Variants in RYR3 observed in about 807,000 individuals in gnomAD.
The protein encoded by RYR3 is brain ryanodine receptor-calcium release channel.
A neutral mutation model predicts 584.3 loss-of-function variants in RYR3; 207 were observed. That is an observed-to-expected ratio of 0.35 (90% CI 0.32 to 0.40). RYR3 has a LOEUF of 0.40. Ranked by LOEUF, RYR3 falls within the 10% of genes least tolerant of loss-of-function variation. RYR3 has a pLI of 1.00. For missense variants in RYR3, 5,616 were observed against 6,089.2 expected, an observed-to-expected ratio of 0.92 and a Z score of 2.59; for synonymous variants, 2,416 against 2,248.5, an observed-to-expected ratio of 1.07 and a Z score of -2.11.
rs1371754235 is a variant in RYR3, at chr15:33,621,777, C to G, written c.2358-2030C>G. On this transcript the variant is annotated intron_variant, in intron 19 of 103. Transcript: ENST00000634891. ...TTGGGAAGGAAAAAAACCTTAGCAC[C>G]TCTTTACTTAAAGAGGCTTTATTTT... 4.6e-5 allele frequency among the ~76,000 whole-genome samples: 7 copies of G among 152,182 alleles called. No homozygotes were observed. In the South Asian group the frequency reaches 6.2e-4, roughly 14 times the overall value.
Position 33,581,373 on chromosome 15 carries a change from C to T in RYR3, c.1438-135C>T, listed in dbSNP as rs1486139484. On this transcript the variant is annotated intron_variant, in intron 13 of 103. Transcript: ENST00000634891. ...TAGGAGGGAAAAAAAACAAACCCAA[C>T]TGGCACCATGAAGGTCTATTTGCAT... The T allele has an allele frequency of 9.3e-6, 8 of 863,370 alleles. No homozygotes were observed. The East Asian group carries it at 2.0e-4, about 21-fold the overall frequency. 53.5% of individuals were successfully genotyped at this position (863,370 alleles called of 1,614,324 possible). A position where few individuals can be genotyped will look rare whatever the true frequency, so the allele number is the denominator to read the frequency against.
chr15:33,662,237 C>T lies in RYR3; in HGVS notation c.4707C>T (p.Cys1569=), dbSNP rs372058994. ...YHTLRLYSAV[C]ALGNSRVAYA... Reference sequence around the variant, plus strand: ...CGCTGAGGCTCTACAGCGCGGTGTGCGCCCTGGGAAACAGCCGCGTGGCCT... The same window carrying T: ...CGCTGAGGCTCTACAGCGCGGTGTGTGCCCTGGGAAACAGCCGCGTGGCCT... Residue 1569 remains cysteine (C), a synonymous_variant, in exon 35 of 104, where the codon TGC becomes TGT. Transcript: ENST00000634891. 1.6e-5 allele frequency: 25 copies of T among 1,607,998 alleles called. No individual in the cohort carries two copies. The highest frequency in any genetic ancestry group is 2.2e-5 in the East Asian group (1 of 44,626).
intron 55 of RYR3, among the ~76,000 whole-genome samples, chr15:33,749,778 T>C (rs142174516): frequency 6.6e-6 from 1 of 152,222 alleles, no homozygotes; most frequent in African/African-American, 2.4e-5. Context: ...GAGTTAGAAA[T>C]TGTTTTCTAT....
rs151086234 is a variant in RYR3 at position 33,517,097 on chromosome 15, C to T, written c.279+13359C>T. The stretch of plus-strand genomic sequence containing the variant: ...GCAACCTCTACTTCTCGGGATCAAG[C>T]GATTCTCCTGCCTCAGCCTCCCAAC... On this transcript the variant is annotated intron_variant, in intron 3 of 103. Transcript: ENST00000634891. Among the ~76,000 whole-genome samples, 507 of 152,100 alleles carry T rather than the reference C, an allele frequency of 3.3e-3. 1 individual carries two copies. The highest frequency in any genetic ancestry group is 0.012 in the African/African-American group (483 of 41,494).
At position 33,562,963 on chromosome 15, in the gene RYR3, A is replaced by C; in HGVS notation, c.1099A>C (p.Lys367Gln). Residue 367 changes from lysine (K) to glutamine (Q), a missense_variant, in exon 11 of 104, where the codon AAA (lysine) becomes CAA (glutamine). Physicochemically the swap from Lys to Gln is moderately conservative, Grantham distance 53 (BLOSUM62 1). Coordinates refer to ENST00000634891, the MANE Select transcript of RYR3 (RefSeq NM_001036.6). Reference sequence around the variant, plus strand: ...AGCCAGTGGTCTGTGGGTGACCTACAAAGCACAAGACGCCAAAACTTCCCG... The same window carrying C: ...AGCCAGTGGTCTGTGGGTGACCTACCAAGCACAAGACGCCAAAACTTCCCG... The part of the protein sequence containing the change: ...HIASGLWVTY[K>Q]AQDAKTSRLG... 6.2e-7 allele frequency: 1 copy of C among 1,613,336 alleles called. No individual in the cohort carries two copies. Among genetic ancestry groups the C allele is most frequent in the East Asian group, 2.2e-5 (1 of 44,858 alleles).
chr15:33,618,257 C>G (rs1272892233), intron 19 of RYR3, among the ~76,000 whole-genome samples: 1 of 152,134 alleles, frequency 6.6e-6, no homozygotes. Flanking sequence ...TCTTATGTAA[C>G]TCTTTTGCCA....
chr15:33,860,703 C>G lies in RYR3; in HGVS notation c.14364+44C>G, dbSNP rs545747188. On this transcript the variant is annotated intron_variant, in intron 101 of 103. Transcript: ENST00000634891. ...CTAATCCCAGCTCTATTTTAATATC[C>G]CCAGAAGCAAATAGATTTTTTAAAC... The G allele has an allele frequency of 3.5e-4, 465 of 1,338,638 alleles. 1 individual carries two copies. In the Middle Eastern group the frequency reaches 4.0e-3, roughly 12 times the overall value. The allele number at this position is 1,338,638 out of a possible 1,614,324, so 82.9% of individuals were successfully genotyped here. A position where few individuals can be genotyped will look rare whatever the true frequency, so the allele number is the denominator to read the frequency against.
intron 1 of RYR3, among the ~76,000 whole-genome samples, chr15:33,334,834 A>C (rs1289630354): frequency 6.6e-6 from 1 of 151,180 alleles, no homozygotes; most frequent in African/African-American, 2.4e-5. Context: ...ATTGACAAGA[A>C]AAAAAAAAAA....
chr15:33,453,247 AT>A (rs112525149), intron 1 of RYR3, among the ~76,000 whole-genome samples: 3,032 of 152,314 alleles, frequency 0.02, 49 homozygotes, highest in African/African-American at 0.049. Context: ...TAGAAAAAAA[AT>A]AAACCTTAAT....
In RYR3 at chr15:33,640,266, C is replaced by G. The variant is rs940404617; in HGVS notation, c.3556+3716C>G. ...CCTGTCATTCTCTCTCCAGATGGGT[C>G]TTGTGTTTCAGAAAGCGGCTGTGGC... On this transcript the variant is annotated intron_variant, in intron 27 of 103. Transcript: ENST00000634891. Among the ~76,000 whole-genome samples, 6 of 152,206 alleles carry G rather than the reference C, an allele frequency of 3.9e-5. 1 individual carries two copies. The South Asian group carries it at 1.2e-3, about 31-fold the overall frequency.
At chr15:33,346,407 A>G (rs1033417084) in intron 1 of RYR3, among the ~76,000 whole-genome samples, 2 of 152,254 alleles carry the variant, frequency 1.3e-5, no homozygotes, top group African/African-American at 4.8e-5. Flanking sequence ...CTTATTATTT[A>G]CCTGAATCCT....
chr15:33,411,649 ACCACTT>A (rs1476394728), intron 1 of RYR3, among the ~76,000 whole-genome samples: 1 of 152,158 alleles, frequency 6.6e-6, no homozygotes, highest in Non-Finnish European at 1.5e-5. Context: ...CAAACTTACG[ACCACTT>A]CCACTTCCCC....
At chr15:33,558,253 C>A (rs539563141) in intron 10 of RYR3, among the ~76,000 whole-genome samples, 2 of 151,806 alleles carry the variant, frequency 1.3e-5, no homozygotes, top group Non-Finnish European at 2.9e-5. Context: ...CCCATCCCCC[C>A]ACCCCACAAC....
At chr15:33,664,613 A>ATG (rs1464506453) in intron 36 of RYR3, among the ~76,000 whole-genome samples, 6 of 141,346 alleles carry the variant, frequency 4.2e-5, no homozygotes, top group South Asian at 2.3e-4. Context: ...ATATATATAT[A>ATG]TACGTATGTA....
intron 10 of RYR3, among the ~76,000 whole-genome samples, chr15:33,556,841 C>T (rs566689742): frequency 2.9e-4 from 44 of 152,186 alleles, no homozygotes; most frequent in South Asian, 6.2e-4. Flanking sequence ...CCTAACTCCC[C>T]GGTAGAGTTG....
chr15:33,595,507 A>AT (rs1294318075), intron 16 of RYR3, among the ~76,000 whole-genome samples: 1 of 152,108 alleles, frequency 6.6e-6, no homozygotes, highest in East Asian at 1.9e-4. Context: ...AACTGCACTT[A>AT]TTTTATCTTT....
At position 33,606,216 on chromosome 15, in the gene RYR3, AATG is replaced by A. The variant is rs537201795; in HGVS notation, c.2164+2854_2164+2856del. 3.9e-5 allele frequency among the ~76,000 whole-genome samples: 6 copies of A among 152,160 alleles called. No individual in the cohort carries two copies. In the South Asian group the frequency reaches 1.2e-3, roughly 32 times the overall value. On this transcript the variant is annotated intron_variant, in intron 18 of 103. Coordinates refer to ENST00000634891, the MANE Select transcript of RYR3 (RefSeq NM_001036.6). The stretch of plus-strand genomic sequence containing the variant: ...CAGAGACTCAGTTTTCCTCTGATAA[AATG>A]AGGATACTATAAGATTCTTATGAAA...
At chr15:33,810,448 C>G (rs1567218488) in intron 70 of RYR3, 31 bp from the exon 71 acceptor site, 1 of 1,611,720 alleles carries the variant, frequency 6.2e-7, no homozygotes, top group East Asian at 2.2e-5. Flanking sequence ...TCACTGAACC[C>G]CTCTCTGTTT....
chr15:33,546,842 A>G (rs1441402144), intron 8 of RYR3, among the ~76,000 whole-genome samples: 1 of 152,182 alleles, frequency 6.6e-6, no homozygotes, highest in African/African-American at 2.4e-5. Flanking sequence ...TTTCACCACT[A>G]TTGACTAACT....
Sources: allele counts gnomAD v4.1 joint callset (sites outside exome capture counted in the v4.1 genomes callset), GRCh38; gene constraint gnomAD v4.1.1; transcripts MANE v1.5; gene names NCBI Gene and HGNC (gene_info 2026-07-23, HGNC 2026-07-21).